SAMD12: variants seen among roughly 807,000 people sequenced by gnomAD.
SAMD12 encodes the protein sterile alpha motif domain containing 12, also known as sterile alpha motif domain-containing protein 12.
A neutral mutation model predicts 15.0 loss-of-function variants in SAMD12; 9 were observed. The observed-to-expected ratio is 0.60, with a 90% CI of 0.36 to 1.05. The LOEUF (loss-of-function observed/expected upper bound fraction) is 1.05, where lower values mean the gene tolerates loss of function less well. SAMD12 is among the 50% of genes least tolerant of loss of function. The pLI is 0.01. For synonymous variants in SAMD12, 86 were observed against 90.1 expected, an observed-to-expected ratio of 0.96 and a Z score of 0.25; for missense variants, 230 against 234.2, an observed-to-expected ratio of 0.98 and a Z score of 0.12.
chr8:118,573,634 G>A (rs1392217505), intron 2 of SAMD12, among the ~76,000 whole-genome samples: 1 of 152,182 alleles, frequency 6.6e-6, no homozygotes, highest in Non-Finnish European at 1.5e-5. Context: ...GGCTTTGGAA[G>A]TATCCCTTGT....
the SAMD12 span, among the ~76,000 whole-genome samples, chr8:118,159,352 A>G: frequency 6.6e-6 from 1 of 152,152 alleles, no homozygotes; most frequent in African/African-American, 2.4e-5. Context: ...CTGCCCCACC[A>G]CAGCCAGCAT....
the SAMD12 span, among the ~76,000 whole-genome samples, chr8:118,166,001 AAAT>A: frequency 3.4e-3 from 522 of 152,166 alleles, 5 homozygotes; most frequent in African/African-American, 0.012. Flanking sequence ...TCCGTGCAAT[AAAT>A]AATAGCCATT....
intron 3 of SAMD12, among the ~76,000 whole-genome samples, chr8:118,384,535 G>A (rs921328547): frequency 6.6e-6 from 1 of 152,058 alleles, no homozygotes; most frequent in Non-Finnish European, 1.5e-5. Context: ...CCAGAAGTGG[G>A]GTCTGAGGGA....
the SAMD12 span, among the ~76,000 whole-genome samples, chr8:118,180,564 C>CTT: frequency 2.3e-4 from 35 of 151,460 alleles, no homozygotes; most frequent in Admixed American, 3.3e-4. Flanking sequence ...CTCTCTCTCT[C>CTT]GCTCTTTATT....
At chr8:118,538,765 G>A (rs1037279387) in intron 2 of SAMD12, among the ~76,000 whole-genome samples, 6 of 152,188 alleles carry the variant, frequency 3.9e-5, no homozygotes, top group Admixed American at 2.0e-4. Context: ...GGTGCTCTTT[G>A]TGTGGACAGT....
the SAMD12 span, among the ~76,000 whole-genome samples, chr8:118,177,586 G>A: frequency 1.3e-5 from 2 of 152,154 alleles, no homozygotes; most frequent in African/African-American, 2.4e-5. Flanking sequence ...AGGCACGGTG[G>A]CTCATAGATG....
In SAMD12 at chr8:118,412,123, C is replaced by T. The variant is rs79454122; in HGVS notation, c.322+27709G>A. The stretch of plus-strand genomic sequence containing the variant: ...AGCCAAGAAACACAGAGAATCATTC[C>T]CAGGAAGCAGTAATGGGCCGTGATC... On this transcript the variant is annotated intron_variant, in intron 3 of 3. Coordinates refer to ENST00000314727, the MANE Select transcript of SAMD12 (RefSeq NM_207506.3). 2.7e-3 allele frequency among the ~76,000 whole-genome samples: 409 copies of T among 152,262 alleles called. 6 individuals are homozygous for T. The highest frequency in any genetic ancestry group is 9.4e-3 in the African/African-American group (392 of 41,518).
At position 118,379,083 on chromosome 8, in the gene SAMD12, AAACAAAAATAC is replaced by A; in HGVS notation, c.*323_*333del. 1 of 1,057,300 alleles carries A rather than the reference AAACAAAAATAC, an allele frequency of 9.5e-7. No homozygotes were observed. The highest frequency in any genetic ancestry group is 6.6e-5 in the East Asian group (1 of 15,240). 65.5% of individuals were successfully genotyped at this position (1,057,300 alleles called of 1,614,324 possible). On this transcript the variant is annotated 3_prime_UTR_variant, in exon 4 of 4. Coordinates refer to ENST00000314727, the MANE Select transcript of SAMD12 (RefSeq NM_207506.3). ...TTCTCCCACTAACCGGTGAAAAGCA[AAACAAAAATAC>A]AACAAAAACTCCACTTATATCACTG...
At chr8:118,237,730 A>AT (rs1360298034) in intron 4 of SAMD12, among the ~76,000 whole-genome samples, 5 of 152,140 alleles carry the variant, frequency 3.3e-5, no homozygotes, top group Non-Finnish European at 7.4e-5. Context: ...CCAATAAAGT[A>AT]TTTTTTGTCA....
At chr8:118,528,030 TA>T (rs970925471) in intron 2 of SAMD12, among the ~76,000 whole-genome samples, 93 of 96,908 alleles carry the variant, frequency 9.6e-4, no homozygotes, top group African/African-American at 2.9e-3. Flanking sequence ...AATATATATA[TA>T]TATTTTTTTT....
intron 2 of SAMD12, among the ~76,000 whole-genome samples, chr8:118,463,924 T>C (rs2130944892): frequency 6.6e-6 from 1 of 152,236 alleles, no homozygotes; most frequent in Non-Finnish European, 1.5e-5. Context: ...TTAATTAGAT[T>C]ACTGGATCAA....
intron 2 of SAMD12, among the ~76,000 whole-genome samples, chr8:118,501,637 A>G (rs1824785265): frequency 6.6e-6 from 1 of 152,308 alleles, no homozygotes; most frequent in East Asian, 1.9e-4. Flanking sequence ...GACTGCAAGT[A>G]TATTAGCAGA....
In SAMD12 at chr8:118,390,787, A is replaced by G. The variant is rs191933245; in HGVS notation, c.323-11087T>C. On this transcript the variant is annotated intron_variant, in intron 3 of 3. Coordinates refer to ENST00000314727, the MANE Select transcript of SAMD12 (RefSeq NM_207506.3). ...AGGCCCCTTCTCTGGGCCAAGGAAG[A>G]GAAGGGTTAATGGAAATTTGCACTG... 4.7e-3 allele frequency among the ~76,000 whole-genome samples: 718 copies of G among 152,300 alleles called. 6 individuals are homozygous for G. The highest frequency in any genetic ancestry group is 0.015 in the African/African-American group (626 of 41,560).
chr8:118,278,838 G>GTT (rs1813534875), intron 4 of SAMD12, among the ~76,000 whole-genome samples: 1 of 152,154 alleles, frequency 6.6e-6, no homozygotes, highest in Non-Finnish European at 1.5e-5. Context: ...GGAAGTAAAG[G>GTT]TGCATTGTTT....
chr8:118,364,181 T>C (rs2630650), intron 4 of SAMD12, among the ~76,000 whole-genome samples: 1 of 152,310 alleles, frequency 6.6e-6, no homozygotes, highest in East Asian at 1.9e-4. Flanking sequence ...TTTGCCCTTA[T>C]ACCTGCCAAG....
At chr8:118,185,720 A>T (rs1440415123), downstream of SAMD12, among the ~76,000 whole-genome samples, 3 of 152,194 alleles carry the variant, frequency 2.0e-5, no homozygotes, top group African/African-American at 7.2e-5. Flanking sequence ...GCCTTGTCCA[A>T]GGTTATGCAA....
chr8:118,492,759 C>T (rs1824487589), intron 2 of SAMD12, among the ~76,000 whole-genome samples: 2 of 152,134 alleles, frequency 1.3e-5, no homozygotes. Flanking sequence ...CTGAATTAAC[C>T]TATTCTGGCA....
At chr8:118,403,394 TG>T (rs1007432980) in intron 3 of SAMD12, among the ~76,000 whole-genome samples, 1 of 151,408 alleles carries the variant, frequency 6.6e-6, no homozygotes, top group African/African-American at 2.4e-5. Flanking sequence ...TATGGCAGAG[TG>T]GGTAAGAGTA....
At chr8:118,281,655 C>T (rs750748373) in intron 4 of SAMD12, among the ~76,000 whole-genome samples, 3 of 152,126 alleles carry the variant, frequency 2.0e-5, no homozygotes, top group Admixed American at 6.5e-5. Flanking sequence ...TTGCTCAAAA[C>T]CTGCTTTTGT....
Sources: allele counts gnomAD v4.1 joint callset (sites outside exome capture counted in the v4.1 genomes callset), GRCh38; gene constraint gnomAD v4.1.1; transcripts MANE v1.5; gene names NCBI Gene and HGNC (gene_info 2026-07-23, HGNC 2026-07-21).